The following ATP10A variants were observed in gnomAD, a reference collection of about 807,000 sequenced individuals.
The protein encoded by ATP10A is ATPase phospholipid transporting 10A (putative).
A neutral mutation model predicts 147.8 loss-of-function variants in ATP10A; 111 were observed. That is an observed-to-expected ratio of 0.75 (90% CI 0.64 to 0.88). The LOEUF (loss-of-function observed/expected upper bound fraction) is 0.88. Ranked by LOEUF, ATP10A falls within the 40% of genes least tolerant of loss-of-function variation. The probability of loss-of-function intolerance (pLI) is 0.00; values close to 1 mark genes in which losing one functional copy is unlikely to be tolerated. For missense variants in ATP10A, 1,927 were observed against 1,959.0 expected, an observed-to-expected ratio of 0.98 and a Z score of 0.31; for synonymous variants, 875 against 841.6, an observed-to-expected ratio of 1.04 and a Z score of -0.69.
chr15:25,833,081 C>T (rs1364297884), intron 1 of ATP10A, among the ~76,000 whole-genome samples: 2 of 147,314 alleles, frequency 1.4e-5, no homozygotes, highest in Non-Finnish European at 3.0e-5. Context: ...CTCCTGGCTT[C>T]AAGTGATTCT....
chr15:25,753,100 T>C lies in ATP10A; in HGVS notation c.655-16959A>G, dbSNP rs146572716. 4.5e-4 allele frequency among the ~76,000 whole-genome samples: 69 copies of C among 152,358 alleles called. 1 individual carries two copies. In the East Asian group the frequency reaches 0.012, roughly 27 times the overall value. Reference sequence around the variant, plus strand: ...ACCTGACGATTTTGTGGTAAGAACGTTTGAAATTTACCCTCTAGGTAATTT... The same window carrying C: ...ACCTGACGATTTTGTGGTAAGAACGCTTGAAATTTACCCTCTAGGTAATTT... On this transcript the variant is annotated intron_variant, in intron 2 of 20. Transcript: ENST00000555815.
At chr15:25,777,994 T>C (rs1889704562) in intron 2 of ATP10A, among the ~76,000 whole-genome samples, 1 of 152,110 alleles carries the variant, frequency 6.6e-6, no homozygotes, top group South Asian at 2.1e-4. Flanking sequence ...AATTCACATA[T>C]CATTACTTCT....
chr15:25,711,364 C>A (rs892851299), intron 10 of ATP10A, among the ~76,000 whole-genome samples: 1 of 152,084 alleles, frequency 6.6e-6, no homozygotes, highest in African/African-American at 2.4e-5. Flanking sequence ...GCACAGTGAG[C>A]CCTCTGCAAT....
Position 25,680,132 on chromosome 15 carries a change from T to C in ATP10A, c.3855A>G (p.Ala1285=), listed in dbSNP as rs1438821163. The change falls in exon 20 of 21, where the codon GCA becomes GCG. Residue 1285 remains alanine (A), a synonymous_variant. Coordinates refer to ENST00000555815, the MANE Select transcript of ATP10A (RefSeq NM_024490.4). The part of the protein sequence containing the change: ...YLTCLMTPVA[A]LLPRLFFRSL... ...GCTCCGACACCCACCTGGGCAGCAG[T>C]GCAGCGACAGGCGTCATCAGGCAAG... 5 of 1,613,552 alleles carry C rather than the reference T, an allele frequency of 3.1e-6. No homozygotes were observed. The highest frequency in any genetic ancestry group is 4.2e-6 in the Non-Finnish European group (5 of 1,180,000).
intron 1 of ATP10A, among the ~76,000 whole-genome samples, chr15:25,788,325 A>C (rs1412943674): frequency 6.6e-6 from 1 of 152,222 alleles, no homozygotes; most frequent in African/African-American, 2.4e-5. Context: ...CCAGTAAGAC[A>C]GGGCGCCAGC....
chr15:25,740,958 T>A (rs1181563165), intron 2 of ATP10A, among the ~76,000 whole-genome samples: 6 of 152,230 alleles, frequency 3.9e-5, no homozygotes, highest in Admixed American at 3.9e-4. Context: ...CCTTTCTGCA[T>A]GGCTTCCTCT....
chr15:25,691,682 T>A lies in ATP10A; in HGVS notation c.3165+33A>T, dbSNP rs750391052. On this transcript the variant is annotated intron_variant, in intron 15 of 20. Transcript: ENST00000555815. ...CAGGACAAGAGGTCAGTAGGGCCAA[T>A]TGGTCACACAGAATAGCCTGATTGG... 4 of 1,611,678 alleles carry A rather than the reference T, an allele frequency of 2.5e-6. No individual in the cohort carries two copies. The South Asian group carries it at 4.4e-5, about 18-fold the overall frequency.
intron 16 of ATP10A, among the ~76,000 whole-genome samples, chr15:25,685,193 A>G (rs1356121589): frequency 4.6e-5 from 7 of 152,206 alleles, no homozygotes; most frequent in East Asian, 1.9e-4. Flanking sequence ...TATTGGAAAG[A>G]AAGGCCACCT....
At chr15:25,835,887 C>T (rs1892570351) in intron 1 of ATP10A, among the ~76,000 whole-genome samples, 1 of 152,160 alleles carries the variant, frequency 6.6e-6, no homozygotes, top group Non-Finnish European at 1.5e-5. Context: ...AATCTCGGCT[C>T]ACTGCCAGCT....
intron 1 of ATP10A, among the ~76,000 whole-genome samples, chr15:25,858,124 T>A (rs748212619): frequency 1.4e-4 from 22 of 152,106 alleles, no homozygotes; most frequent in Non-Finnish European, 2.2e-4. Context: ...CCAACAAACA[T>A]GTGAATGGCA....
At chr15:25,861,566 T>C (rs1893760865) in intron 1 of ATP10A, among the ~76,000 whole-genome samples, 1 of 152,168 alleles carries the variant, frequency 6.6e-6, no homozygotes, top group South Asian at 2.1e-4. Flanking sequence ...ATGCCTACGT[T>C]TAAGAGGCAG....
At chr15:25,785,793 G>A (rs891200976) in intron 1 of ATP10A, among the ~76,000 whole-genome samples, 5 of 152,212 alleles carry the variant, frequency 3.3e-5, no homozygotes, top group African/African-American at 1.2e-4. Flanking sequence ...CTGCTGAAGA[G>A]GACATCGTTG....
At chr15:25,730,588 C>A (rs1275151248) in intron 3 of ATP10A, among the ~76,000 whole-genome samples, 1 of 152,106 alleles carries the variant, frequency 6.6e-6, no homozygotes, top group African/African-American at 2.4e-5. Flanking sequence ...AACACCTTAG[C>A]AAAGATGCAC....
At chr15:25,757,953 CGA>C in intron 2 of ATP10A, among the ~76,000 whole-genome samples, 1 of 11,892 alleles carries the variant, frequency 8.4e-5, no homozygotes, top group Non-Finnish European at 2.0e-4. Flanking sequence ...TAACTCATTC[CGA>C]CCACCTGCTC....
At chr15:25,776,028 G>C (rs1243351917) in intron 2 of ATP10A, among the ~76,000 whole-genome samples, 3 of 152,186 alleles carry the variant, frequency 2.0e-5, no homozygotes, top group Admixed American at 6.5e-5. Context: ...CCCCAGTTTT[G>C]ATCAATGCAC....
intron 2 of ATP10A, among the ~76,000 whole-genome samples, chr15:25,761,984 C>A (rs1484744021): frequency 2.0e-5 from 3 of 152,108 alleles, no homozygotes; most frequent in Non-Finnish European, 4.4e-5. Context: ...CTACCAAAAT[C>A]TCATCTTGAA....
rs202156295 is a variant in ATP10A at position 25,751,087 on chromosome 15, T to TA, written c.655-14947dup. Among the ~76,000 whole-genome samples the TA allele has an allele frequency of 9.0e-3, 1,368 of 152,132 alleles. 15 individuals are homozygous for TA. Among genetic ancestry groups the TA allele is most frequent in the African/African-American group, 0.03 (1,250 of 41,540 alleles). ...GCAAAAGACTCAATTTCTTGCTGTC[T>TA]AAAAAAATGCACTTTAAATACAAGA... On this transcript the variant is annotated intron_variant, in intron 2 of 20. Coordinates refer to ENST00000555815, the MANE Select transcript of ATP10A (RefSeq NM_024490.4).
chr15:25,708,696 A>G (rs1179239603), intron 10 of ATP10A: 2 of 174,858 alleles, frequency 1.1e-5, no homozygotes, highest in African/African-American at 4.8e-5. Flanking sequence ...GTCATTTGGC[A>G]TCCTTTTGCC....
chr15:25,785,323 C>A (rs889529182), intron 1 of ATP10A, among the ~76,000 whole-genome samples: 1 of 152,098 alleles, frequency 6.6e-6, no homozygotes, highest in Non-Finnish European at 1.5e-5. Flanking sequence ...GCAGCAGAGG[C>A]GTGCGCACAC....
Sources: allele counts gnomAD v4.1 joint callset (sites outside exome capture counted in the v4.1 genomes callset), GRCh38; gene constraint gnomAD v4.1.1; transcripts MANE v1.5; gene names NCBI Gene and HGNC (gene_info 2026-07-23, HGNC 2026-07-21).